Variants in ANGPTL4 observed in about 807,000 individuals in gnomAD.
ANGPTL4 encodes the protein angiopoietin like 4, also known as angiopoietin-related protein 4.
Under a neutral mutation model 39.2 loss-of-function variants are expected in ANGPTL4, and 39 were observed. That is an observed-to-expected ratio of 1.00 (90% CI 0.77 to 1.30). The LOEUF (loss-of-function observed/expected upper bound fraction) is 1.30, where lower values mean the gene tolerates loss of function less well. Among genes scored for constraint, ANGPTL4 ranks in the 50% most tolerant of loss-of-function variants. ANGPTL4 has a pLI of 0.00. For missense variants in ANGPTL4, 545 were observed against 549.8 expected, an observed-to-expected ratio of 0.99 and a Z score of 0.09; for synonymous variants, 233 against 229.5, an observed-to-expected ratio of 1.02 and a Z score of -0.14.
chr19:8,369,167 C>A, intron 3 of ANGPTL4, 52 bp from the exon 4 acceptor site: 1 of 1,491,522 alleles, frequency 6.7e-7, no homozygotes, highest in Middle Eastern at 2.4e-4. Flanking sequence ...CTCCTGAGAC[C>A]CCCCCCAGGG....
At position 8,369,343 on chromosome 19, in the gene ANGPTL4, T is replaced by C. The variant is rs1290269431; in HGVS notation, c.661+11T>C. The stretch of plus-strand genomic sequence containing the variant: ...GCAAGATGACCTCAGGTAGGGTGTG[T>C]TAGTCCACCAGGGGCCCCTCTCCCC... On this transcript the variant is annotated intron_variant, in intron 4 of 6. Transcript: ENST00000301455. 6.2e-7 allele frequency: 1 copy of C among 1,603,612 alleles called. No homozygotes were observed. The highest frequency in any genetic ancestry group is 1.3e-5 in the African/African-American group (1 of 74,776).
At chr19:8,366,173 C>T (rs1204922721) in intron 2 of ANGPTL4, 29 bp from the exon 3 acceptor site, 2 of 1,612,614 alleles carry the variant, frequency 1.2e-6, no homozygotes, top group Non-Finnish European at 1.7e-6. Flanking sequence ...CCAGGCAGGA[C>T]CTGACACCCT....
chr19:8,368,511 G>C (rs1294419612), intron 3 of ANGPTL4, among the ~76,000 whole-genome samples: 1 of 152,168 alleles, frequency 6.6e-6, no homozygotes, highest in East Asian at 1.9e-4. Context: ...TGGTCTGGGG[G>C]TGAGGCAAGG....
chr19:8,368,871 AAG>A (rs1971058070), intron 3 of ANGPTL4, among the ~76,000 whole-genome samples: 2 of 152,068 alleles, frequency 1.3e-5, no homozygotes, highest in African/African-American at 2.4e-5. Flanking sequence ...AAAACAAAAA[AAG>A]AGAGTCCCAG....
intron 1 of ANGPTL4, 57 bp downstream of exon 1, chr19:8,364,696 G>GAGACTCCT: frequency 6.5e-7 from 1 of 1,545,132 alleles, no homozygotes. Context: ...GGCTTGGAAG[G>GAGACTCCT]GTATGGACAG....
At chr19:8,366,351 GCCACCCCTA>G in intron 3 of ANGPTL4, 32 bp downstream of exon 3, 1 of 1,602,500 alleles carries the variant, frequency 6.2e-7, no homozygotes, top group East Asian at 2.2e-5. Context: ...CTCTCCGGTG[GCCACCCCTA>G]CCCCGCCACT....
chr19:8,373,620 C>T, intron 6 of ANGPTL4, 85 bp from the exon 7 acceptor site: 1 of 1,592,562 alleles, frequency 6.3e-7, no homozygotes, highest in Non-Finnish European at 8.6e-7. Flanking sequence ...CAACCTGCCT[C>T]ATCCTCAACC....
In ANGPTL4 at chr19:8,365,987, C is replaced by G. The variant is rs1272425210; in HGVS notation, c.352C>G (p.Gln118Glu). The G allele has an allele frequency of 6.2e-7, 1 of 1,614,136 alleles. No individual in the cohort carries two copies. Among genetic ancestry groups the G allele is most frequent in the Non-Finnish European group, 8.5e-7 (1 of 1,180,020 alleles). Reference protein sequence around the residue: ...QLKAQNSRIQQLFHKVAQQQR... With the variant: ...QLKAQNSRIQELFHKVAQQQR... ...CAAGGCTCAGAACAGCAGGATCCAG[C>G]AACTCTTCCACAAGGTGGCCCAGCA... is the stretch of plus-strand genomic sequence containing the variant. The change falls in exon 2 of 7, where the codon CAA (glutamine) becomes GAA (glutamate). Residue 118 changes from glutamine (Q) to glutamate (E), a missense_variant. Physicochemically the swap from Gln to Glu is conservative, Grantham distance 29. Transcript: ENST00000301455.
At position 8,371,161 on chromosome 19, in the gene ANGPTL4, T is replaced by C; in HGVS notation, c.757+10T>C. Reference sequence around the variant, plus strand: ...TTTGGGGATCCCCACGGTAGGTGTTTCTAGTGGGGACAGAGGCAGGGGAGG... The same window carrying C: ...TTTGGGGATCCCCACGGTAGGTGTTCCTAGTGGGGACAGAGGCAGGGGAGG... On this transcript the variant is annotated intron_variant, in intron 5 of 6. Transcript: ENST00000301455. This position sits in a 1 kb window ranked among gnomAD's most constrained non-coding sequence, Gnocchi z 5.1. 1 of 1,613,972 alleles carries C rather than the reference T, an allele frequency of 6.2e-7. No individual in the cohort carries two copies. Among genetic ancestry groups the C allele is most frequent in the South Asian group, 1.1e-5 (1 of 91,072 alleles).
chr19:8,370,152 G>A (rs977198658), intron 4 of ANGPTL4, among the ~76,000 whole-genome samples: 1 of 152,130 alleles, frequency 6.6e-6, no homozygotes, highest in African/African-American at 2.4e-5. Context: ...GCAGTGAGCT[G>A]AGATGACGCC....
chr19:8,370,486 G>T (rs1971093023), intron 4 of ANGPTL4, among the ~76,000 whole-genome samples: 1 of 151,912 alleles, frequency 6.6e-6, no homozygotes, highest in African/African-American at 2.4e-5. Context: ...GCTGAGGCGG[G>T]CAAATCACTT....
rs137979566 is a variant in ANGPTL4, at chr19:8,366,319, C to T, written c.547C>T (p.Arg183Trp). ...GGCTCACAATGTCAGCCGCCTGCAC[C>T]GTGAGTGTCTGCCCCTCGATGCTCT... ...DPAHNVSRLH[R>W]LPRDCQELFQ... is the part of the protein sequence containing the mutation. Residue 183 changes from arginine to tryptophan, a missense_variant and splice_region_variant, in exon 3 of 7, where the codon CGG becomes TGG. Coordinates refer to ENST00000301455, the MANE Select transcript of ANGPTL4 (RefSeq NM_139314.3). 110 of 1,613,372 alleles carry T rather than the reference C, an allele frequency of 6.8e-5. No individual in the cohort carries two copies. The South Asian group carries it at 7.1e-4, about 10-fold the overall frequency.
intron 4 of ANGPTL4, among the ~76,000 whole-genome samples, chr19:8,370,385 C>T (rs1971090914): frequency 1.3e-5 from 2 of 151,996 alleles, no homozygotes; most frequent in South Asian, 4.1e-4. Context: ...CCACCGCACT[C>T]CAACCTGGGC....
At chr19:8,372,260 T>C (rs895791093) in intron 6 of ANGPTL4, among the ~76,000 whole-genome samples, 2 of 151,684 alleles carry the variant, frequency 1.3e-5, no homozygotes, top group Non-Finnish European at 1.5e-5. Context: ...GGTTTCACCA[T>C]GTTGGCCAGG....
intron 6 of ANGPTL4, among the ~76,000 whole-genome samples, chr19:8,372,049 C>T (rs916026014): frequency 5.5e-5 from 8 of 145,706 alleles, no homozygotes; most frequent in South Asian, 2.3e-4. Context: ...TGAGCCACCG[C>T]GCCCGGCCTA....
intron 1 of ANGPTL4, among the ~76,000 whole-genome samples, chr19:8,364,862 T>TACACAC (rs34409703): frequency 1.3e-4 from 19 of 149,064 alleles, no homozygotes; most frequent in East Asian, 1.2e-3. Context: ...CCGTCTCTTC[T>TACACAC]ACACACACAC....
Position 8,366,022 on chromosome 19 carries a change from C to T in ANGPTL4, c.387C>T (p.His129=), listed in dbSNP as rs1970995954. 1 of 1,614,086 alleles carries T rather than the reference C, an allele frequency of 6.2e-7. No homozygotes were observed. Residue 129 remains histidine, a synonymous_variant, in exon 2 of 7, where the codon CAC becomes CAT. Transcript: ENST00000301455. ...LFHKVAQQQR[H]LEKQHLRIQH... ...ACAAGGTGGCCCAGCAGCAGCGGCACCTGGAGAAGCAGCACCTGCGAATTC... is the reference window on the plus strand; with the variant it reads ...ACAAGGTGGCCCAGCAGCAGCGGCATCTGGAGAAGCAGCACCTGCGAATTC...
chr19:8,367,999 G>A (rs999440017), intron 3 of ANGPTL4, among the ~76,000 whole-genome samples: 2 of 142,992 alleles, frequency 1.4e-5, no homozygotes, highest in African/African-American at 2.6e-5. Flanking sequence ...ACCACGCCCA[G>A]CTAATTTTTA....
chr19:8,374,017 A>C lies in ANGPTL4; in HGVS notation c.*131A>C, dbSNP rs1971183577. The C allele has an allele frequency of 6.0e-6, 6 of 1,005,450 alleles. No homozygotes were observed. Among genetic ancestry groups the C allele is most frequent in the Admixed American group, 4.3e-5 (2 of 47,050 alleles). The allele number at this position is 1,005,450 out of a possible 1,614,324, so 62.3% of individuals were successfully genotyped here. On this transcript the variant is annotated 3_prime_UTR_variant, in exon 7 of 7. Transcript: ENST00000301455. ...TCTGGAAACTTGTGGACAGAGAAGAAGACCACGACTGGAGAAGCCCCCTTT... is the reference window on the plus strand; with the variant it reads ...TCTGGAAACTTGTGGACAGAGAAGACGACCACGACTGGAGAAGCCCCCTTT...
Sources: allele counts gnomAD v4.1 joint callset (sites outside exome capture counted in the v4.1 genomes callset), GRCh38; gene constraint gnomAD v4.1.1; non-coding constraint Gnocchi (gnomAD v3.1); transcripts MANE v1.5; gene names NCBI Gene and HGNC (gene_info 2026-07-23, HGNC 2026-07-21).